OR52N4: variants seen among roughly 807,000 people sequenced by gnomAD.
The protein encoded by OR52N4 is olfactory receptor 52N4.
In OR52N4, 15 loss-of-function variants were observed where a neutral mutation model predicts 15.0. That is an observed-to-expected ratio of 1.00 (90% CI 0.67 to 1.54). The LOEUF is 1.54. Among genes scored for constraint, OR52N4 ranks in the 40% most tolerant of loss-of-function variants. OR52N4 has a pLI of 0.00. For synonymous variants in OR52N4, 143 were observed against 143.7 expected (o/e 1.00, Z 0.03); for missense variants, 421 against 394.0 (o/e 1.07, Z -0.58).
Position 5,755,825 on chromosome 11 carries a change from C to A in OR52N4, c.*119C>A. The A allele has an allele frequency of 8.8e-7, 1 of 1,136,568 alleles. No homozygotes were observed. The highest frequency in any genetic ancestry group is 1.2e-6 in the Non-Finnish European group (1 of 820,280). The allele number at this position is 1,136,568 out of a possible 1,614,324, so 70.4% of individuals were successfully genotyped here. A position where few individuals can be genotyped will look rare whatever the true frequency, so the allele number is the denominator to read the frequency against. ...TTGATCACAAAATGGAGTTTGTTAA[C>A]TGGTGCATTCTCAATAAGTACCTTG... On this transcript the variant is annotated 3_prime_UTR_variant, in exon 2 of 2. Coordinates refer to ENST00000641350, the MANE Select transcript of OR52N4 (RefSeq NM_001005175.5).
chr11:5,729,410 G>A, the OR52N4 span, among the ~76,000 whole-genome samples: 5,820 of 152,068 alleles, frequency 0.038, 341 homozygotes, highest in African/African-American at 0.13. Flanking sequence ...GTGAGCCACC[G>A]TGCCCGGCCG....
chr11:5,743,750 T>C, the OR52N4 span, among the ~76,000 whole-genome samples: 2 of 152,310 alleles, frequency 1.3e-5, no homozygotes, highest in Admixed American at 6.5e-5. Context: ...GTGGGAAGTC[T>C]ATAGCATTAA....
chr11:5,747,325 T>TAAAAC, the OR52N4 span, among the ~76,000 whole-genome samples: 1 of 151,512 alleles, frequency 6.6e-6, no homozygotes, highest in Non-Finnish European at 1.5e-5. Context: ...TAAAATAAAA[T>TAAAAC]AAAACAAAAA....
the OR52N4 span, among the ~76,000 whole-genome samples, chr11:5,732,023 TA>T: frequency 1.3e-5 from 2 of 152,018 alleles, no homozygotes; most frequent in Non-Finnish European, 2.9e-5. Flanking sequence ...CTCATAAAGT[TA>T]TTTTTTTTGC....
chr11:5,744,211 G>A, the OR52N4 span, among the ~76,000 whole-genome samples: 14 of 152,224 alleles, frequency 9.2e-5, no homozygotes, highest in African/African-American at 3.1e-4. Context: ...AACAAGTAGT[G>A]CAACTGAATC....
At chr11:5,726,861 T>C in the OR52N4 span, 3 of 158,350 alleles carry the variant, frequency 1.9e-5, no homozygotes, top group African/African-American at 7.2e-5. Context: ...CTACTGGCCA[T>C]GGCCTTTGAT....
At chr11:5,737,539 T>A in the OR52N4 span, 1 of 1,523,474 alleles carries the variant, frequency 6.6e-7, no homozygotes, top group Non-Finnish European at 8.8e-7. Context: ...CTAAACTGGA[T>A]AGTAAAATTT....
chr11:5,745,386 A>C, the OR52N4 span, among the ~76,000 whole-genome samples: 1 of 152,312 alleles, frequency 6.6e-6, no homozygotes, highest in African/African-American at 2.4e-5. Context: ...GATCAGTAGC[A>C]TTGTTATACA....
the OR52N4 span, chr11:5,736,849 T>C: frequency 8.1e-6 from 13 of 1,613,922 alleles, no homozygotes; most frequent in Admixed American, 5.0e-5. Context: ...CTCAGATTTA[T>C]GCCATTCACT....
the OR52N4 span, among the ~76,000 whole-genome samples, chr11:5,744,829 G>T: frequency 6.6e-6 from 1 of 152,152 alleles, no homozygotes. Flanking sequence ...AGGAGGATTG[G>T]AGGATCTCTT....
At chr11:5,747,737 T>C in the OR52N4 span, among the ~76,000 whole-genome samples, 120 of 152,162 alleles carry the variant, frequency 7.9e-4, 1 homozygote, top group Middle Eastern at 3.4e-3. Flanking sequence ...CTTATTCTTG[T>C]TAATGAGATC....
At position 5,755,276 on chromosome 11, in the gene OR52N4, C is replaced by G; in HGVS notation, c.536C>G (p.Thr179Ser). 6.2e-7 allele frequency: 1 copy of G among 1,614,054 alleles called. No individual in the cohort carries two copies. Among genetic ancestry groups the G allele is most frequent in the Non-Finnish European group, 8.5e-7 (1 of 1,179,970 alleles). ...PYCRGNILPH[T>S]YCDHMSVAKL... The stretch of plus-strand genomic sequence containing the variant: ...TGCAGAGGCAATATACTTCCCCATA[C>G]CTACTGTGACCACATGTCTGTAGCC... The change falls in exon 2 of 2, where the codon ACC becomes AGC. Residue 179 changes from threonine (T) to serine (S), a missense_variant. Thr to Ser is a moderately conservative substitution (Grantham distance 58). Transcript: ENST00000641350.
the OR52N4 span, among the ~76,000 whole-genome samples, chr11:5,745,090 A>G: frequency 6.6e-6 from 1 of 152,136 alleles, no homozygotes; most frequent in African/African-American, 2.4e-5. Context: ...AGTCAACATC[A>G]TATTGAATGG....
chr11:5,747,164 G>A, the OR52N4 span, among the ~76,000 whole-genome samples: 1 of 151,460 alleles, frequency 6.6e-6, no homozygotes, highest in African/African-American at 2.4e-5. Flanking sequence ...TGAGTTAGTG[G>A]TGAGAGAGAG....
chr11:5,736,727 T>G, the OR52N4 span: 8 of 1,613,956 alleles, frequency 5.0e-6, no homozygotes, highest in South Asian at 6.6e-5. Context: ...CATGTATATT[T>G]TCCTTGGCAT....
chr11:5,742,089 A>G, the OR52N4 span, among the ~76,000 whole-genome samples: 2 of 152,102 alleles, frequency 1.3e-5, no homozygotes, highest in African/African-American at 4.8e-5. Context: ...AAATTAACCT[A>G]GAAGAAAGCA....
chr11:5,732,580 T>C, the OR52N4 span, among the ~76,000 whole-genome samples: 12 of 152,330 alleles, frequency 7.9e-5, no homozygotes, highest in South Asian at 2.1e-3. Flanking sequence ...ATATAGGTTA[T>C]TTTCGGTCTC....
At chr11:5,728,045 C>T in the OR52N4 span, among the ~76,000 whole-genome samples, 1 of 152,186 alleles carries the variant, frequency 6.6e-6, no homozygotes, top group East Asian at 1.9e-4. Context: ...TTTAGGACTT[C>T]TATGAATGAG....
the OR52N4 span, among the ~76,000 whole-genome samples, chr11:5,730,041 T>TTCA: frequency 1.3e-5 from 2 of 151,798 alleles, no homozygotes; most frequent in Non-Finnish European, 2.9e-5. Flanking sequence ...CCTTAGTGAT[T>TTCA]TTTTTTAAAT....
Sources: allele counts gnomAD v4.1 joint callset (sites outside exome capture counted in the v4.1 genomes callset), GRCh38; gene constraint gnomAD v4.1.1; transcripts MANE v1.5; gene names NCBI Gene and HGNC (gene_info 2026-07-23, HGNC 2026-07-21).